The following USP3 variants were observed in gnomAD, a reference collection of about 807,000 sequenced individuals.
The protein encoded by USP3 is ubiquitin carboxyl-terminal hydrolase 3.
USP3 carries 20 observed loss-of-function variants against 72.3 expected under a neutral mutation model. The observed-to-expected ratio is 0.28, with a 90% CI of 0.19 to 0.40. USP3 has a LOEUF of 0.40. Ranked by LOEUF, USP3 falls within the 10% of genes least tolerant of loss-of-function variation. USP3 has a pLI of 1.00. For missense variants in USP3, 479 were observed against 633.9 expected (o/e 0.76, Z 2.62); for synonymous variants, 222 against 225.3 (o/e 0.99, Z 0.13).
At position 63,529,158 on chromosome 15, in the gene USP3, A is replaced by C. The variant is rs1595716394; in HGVS notation, c.92-3489A>C. On this transcript the variant is annotated intron_variant, in intron 1 of 14. Transcript: ENST00000380324. The surrounding 1 kb of genome is among the most constrained non-coding windows in gnomAD (Gnocchi z 4.2). ...GGACTACAGATGCAATCACCACCAC[A>C]CTTGGCAGGTAGTAAAGTGGTTTTT... The C allele has an allele frequency of 8.9e-6, 7 of 784,102 alleles. No homozygotes were observed. Among genetic ancestry groups the C allele is most frequent in the Non-Finnish European group, 1.1e-5 (6 of 534,592 alleles). The allele number at this position is 784,102 out of a possible 1,614,324, so 48.6% of individuals were successfully genotyped here.
intron 3 of USP3, among the ~76,000 whole-genome samples, chr15:63,538,486 G>A (rs1181938317): frequency 6.6e-6 from 1 of 151,496 alleles, no homozygotes; most frequent in Non-Finnish European, 1.5e-5. Flanking sequence ...GTCGATAATT[G>A]TATGATAGGA....
At chr15:63,557,411 C>T (rs960163457) in intron 5 of USP3, among the ~76,000 whole-genome samples, 5 of 152,118 alleles carry the variant, frequency 3.3e-5, no homozygotes, top group Admixed American at 1.3e-4. Flanking sequence ...TACAGGCACA[C>T]GCCACCACGC....
chr15:63,506,914 C>T (rs796660306), intron 1 of USP3, among the ~76,000 whole-genome samples: 62 of 152,266 alleles, frequency 4.1e-4, no homozygotes, highest in African/African-American at 1.4e-3. Flanking sequence ...TGTAGGCCTC[C>T]CGTCTTAACC....
intron 1 of USP3, among the ~76,000 whole-genome samples, chr15:63,509,621 A>G (rs997394668): frequency 1.3e-5 from 2 of 152,170 alleles, no homozygotes; most frequent in Admixed American, 6.5e-5. Flanking sequence ...TTTGAGTTTT[A>G]TATATCCTTC....
At chr15:63,554,587 G>A (rs1432037280) in intron 4 of USP3, among the ~76,000 whole-genome samples, 1 of 152,142 alleles carries the variant, frequency 6.6e-6, no homozygotes, top group African/African-American at 2.4e-5. Flanking sequence ...TGTGTAGAAG[G>A]TATTGTGAAA....
chr15:63,545,978 A>AAAG (rs1319426381), intron 3 of USP3, among the ~76,000 whole-genome samples: 4 of 123,600 alleles, frequency 3.2e-5, no homozygotes, highest in Middle Eastern at 3.5e-3. Context: ...CTCAAAAAAA[A>AAAG]AAAAAAAAAA....
In USP3 at chr15:63,553,660, A is replaced by G; in HGVS notation, c.285-55A>G. On this transcript the variant is annotated intron_variant, in intron 3 of 14. Transcript: ENST00000380324. The surrounding 1 kb of genome is among the most constrained non-coding windows in gnomAD (Gnocchi z 4.2). ...AACAGCCAGACCTTTTAGTGATTTCATTACTGTGGTTTCCTCAAGCTCTTT... is the reference window on the plus strand; with the variant it reads ...AACAGCCAGACCTTTTAGTGATTTCGTTACTGTGGTTTCCTCAAGCTCTTT... 2.0e-6 allele frequency: 3 copies of G among 1,533,586 alleles called. No homozygotes were observed. In the East Asian group the frequency reaches 7.1e-5, roughly 37 times the overall value. 95.0% of individuals were successfully genotyped at this position (1,533,586 alleles called of 1,614,324 possible).
At position 63,529,257 on chromosome 15, in the gene USP3, A is replaced by C. The variant is rs1268654935; in HGVS notation, c.92-3390A>C. On this transcript the variant is annotated intron_variant, in intron 1 of 14. Coordinates refer to ENST00000380324, the MANE Select transcript of USP3 (RefSeq NM_006537.4). This position sits in a 1 kb window ranked among gnomAD's most constrained non-coding sequence, Gnocchi z 4.2. ...CTTGTTTCCAATGATTTTGGAAGTC[A>C]GTACTTTATTCCCTTTTACTTTCTC... 1 of 397,442 alleles carries C rather than the reference A, an allele frequency of 2.5e-6. No homozygotes were observed. The highest frequency in any genetic ancestry group is 7.0e-5 in the East Asian group (1 of 14,222). The allele number at this position is 397,442 out of a possible 1,614,324, so 24.6% of individuals were successfully genotyped here.
In USP3 at chr15:63,588,272, T is replaced by C. The variant is rs2067116091; in HGVS notation, c.1097-33T>C. On this transcript the variant is annotated intron_variant, in intron 11 of 14. Transcript: ENST00000380324. This position sits in a 1 kb window ranked among gnomAD's most constrained non-coding sequence, Gnocchi z 4.6. ...GTACATTGCCTCTACAAAAGGCATC[T>C]TGTTTTAATGCTGCCAAAATCAATT... is the stretch of plus-strand genomic sequence containing the variant. The C allele has an allele frequency of 6.5e-7, 1 of 1,534,408 alleles. No homozygotes were observed. The highest frequency in any genetic ancestry group is 1.2e-5 in the South Asian group (1 of 82,296).
intron 1 of USP3, among the ~76,000 whole-genome samples, chr15:63,512,397 TCC>T (rs2065801686): frequency 6.6e-6 from 1 of 151,046 alleles, no homozygotes; most frequent in African/African-American, 2.4e-5. Flanking sequence ...TCTTCTTTCT[TCC>T]TTCTTCTTCT....
At position 63,592,110 on chromosome 15, in the gene USP3, G is replaced by T. The variant is rs187274268; in HGVS notation, c.*1284G>T. ...TTTTGTATTTTTAGTAAAGACGGGG[G>T]TTTACCATGTTGGCTAGGGTGGTCT... On this transcript the variant is annotated 3_prime_UTR_variant, in exon 15 of 15. Coordinates refer to ENST00000380324, the MANE Select transcript of USP3 (RefSeq NM_006537.4). 79 of 152,072 alleles carry T rather than the reference G, an allele frequency of 5.2e-4. No individual in the cohort carries two copies. Among genetic ancestry groups the T allele is most frequent in the African/African-American group, 1.7e-3 (71 of 41,470 alleles). The allele number at this position is 152,072 out of a possible 1,614,324, so 9.4% of individuals were successfully genotyped here.
Position 63,577,912 on chromosome 15 carries a change from G to A in USP3, c.1096+3509G>A, listed in dbSNP as rs555933344. On this transcript the variant is annotated intron_variant, in intron 11 of 14. Coordinates refer to ENST00000380324, the MANE Select transcript of USP3 (RefSeq NM_006537.4). ...TCCTGTACTCTAGGCCTGGGTGAGA[G>A]AGTGAGACCCTGCCTCAAAAAAAAA... Among the ~76,000 whole-genome samples, 6 of 140,858 alleles carry A rather than the reference G, an allele frequency of 4.3e-5. No individual in the cohort carries two copies. In the South Asian group the frequency reaches 1.4e-3, roughly 32 times the overall value. The allele number at this position is 140,858 out of a possible 152,430, so 92.4% of individuals were successfully genotyped here. A position where few individuals can be genotyped will look rare whatever the true frequency, so the allele number is the denominator to read the frequency against.
intron 3 of USP3, among the ~76,000 whole-genome samples, chr15:63,541,551 A>G (rs552502108): frequency 3.2e-4 from 48 of 152,288 alleles, no homozygotes; most frequent in African/African-American, 1.1e-3. Flanking sequence ...CTCTTCCTTA[A>G]GATAAGCTGG....
At position 63,528,429 on chromosome 15, in the gene USP3, G is replaced by A. The variant is rs2066017162; in HGVS notation, c.92-4218G>A. Among the ~76,000 whole-genome samples the A allele has an allele frequency of 6.6e-6, 1 of 151,946 alleles. No individual in the cohort carries two copies. Among genetic ancestry groups the A allele is most frequent in the African/African-American group, 2.4e-5 (1 of 41,266 alleles). On this transcript the variant is annotated intron_variant, in intron 1 of 14. Coordinates refer to ENST00000380324, the MANE Select transcript of USP3 (RefSeq NM_006537.4). This position sits in a 1 kb window ranked among gnomAD's most constrained non-coding sequence, Gnocchi z 4.3. ...CTTAACTTTTTAAGCCTTCACAAGT[G>A]TCTATCCTTATCACCCTTTCTCTCA...
At chr15:63,557,701 A>G (rs983490591) in intron 5 of USP3, among the ~76,000 whole-genome samples, 3 of 152,230 alleles carry the variant, frequency 2.0e-5, no homozygotes, top group Non-Finnish European at 2.9e-5. Flanking sequence ...GCTTAGAGTT[A>G]AAAGTTTGGG....
intron 5 of USP3, 157 bp downstream of exon 5, chr15:63,556,905 A>T: frequency 1.7e-6 from 1 of 586,916 alleles, no homozygotes; most frequent in Non-Finnish European, 3.0e-6. Context: ...TGTACTGTCG[A>T]TTGTTGCCGT....
At chr15:63,514,555 T>C in intron 1 of USP3, among the ~76,000 whole-genome samples, 1 of 152,180 alleles carries the variant, frequency 6.6e-6, no homozygotes, top group Non-Finnish European at 1.5e-5. Context: ...TGTGGTACTT[T>C]TTCCCCCTCC....
chr15:63,573,746 G>A (rs2066817396), intron 9 of USP3, among the ~76,000 whole-genome samples: 1 of 152,188 alleles, frequency 6.6e-6, no homozygotes, highest in African/African-American at 2.4e-5. Flanking sequence ...GTTGCCCTGT[G>A]CAGAGTCATG....
At chr15:63,509,432 G>C (rs954469564) in intron 1 of USP3, among the ~76,000 whole-genome samples, 2 of 152,092 alleles carry the variant, frequency 1.3e-5, no homozygotes, top group Non-Finnish European at 2.9e-5. Flanking sequence ...GTCAGTAAAC[G>C]TTGGCTGGAT....
Sources: gnomAD v4.1 joint callset for allele counts (sites outside exome capture counted in the v4.1 genomes callset) on GRCh38, gnomAD v4.1.1 for gene constraint, Gnocchi (gnomAD v3.1) non-coding constraint, MANE v1.5 for transcripts, NCBI Gene and HGNC (gene_info 2026-07-23, HGNC 2026-07-21) for gene names.